KIF6: variants seen among roughly 807,000 people sequenced by gnomAD.
KIF6 encodes kinesin family member 6, also known as kinesin-like protein KIF6.
Under a neutral mutation model 112.7 loss-of-function variants are expected in KIF6, and 106 were observed. The observed-to-expected ratio is 0.94, with a 90% confidence interval of 0.80 to 1.11. The LOEUF (loss-of-function observed/expected upper bound fraction) is 1.11. Among genes scored for constraint, KIF6 ranks in the 50% least tolerant of loss-of-function variants. The pLI is 0.00. For synonymous variants in KIF6, 339 were observed against 339.9 expected, an observed-to-expected ratio of 1.00 and a Z score of 0.03; for missense variants, 929 against 964.0, an observed-to-expected ratio of 0.96 and a Z score of 0.48.
chr6:39,350,131 G>A (rs1254485843), intron 19 of KIF6, among the ~76,000 whole-genome samples: 1 of 152,194 alleles, frequency 6.6e-6, no homozygotes, highest in East Asian at 1.9e-4. Context: ...AGGAAACACA[G>A]CTTTACCCTT....
intron 17 of KIF6, among the ~76,000 whole-genome samples, chr6:39,362,013 G>T (rs1193458469): frequency 6.6e-6 from 1 of 152,168 alleles, no homozygotes; most frequent in Non-Finnish European, 1.5e-5. Context: ...ATCAGGAATG[G>T]CTACATGCCT....
chr6:39,355,481 T>C (rs1344656695), intron 19 of KIF6, among the ~76,000 whole-genome samples: 48 of 123,900 alleles, frequency 3.9e-4, no homozygotes, highest in African/African-American at 1.4e-3. Context: ...TTTTTTTTTT[T>C]GAGGCAGAGT....
intron 13 of KIF6, among the ~76,000 whole-genome samples, chr6:39,494,951 AGTG>A (rs1352388752): frequency 4.6e-5 from 7 of 152,134 alleles, no homozygotes; most frequent in Non-Finnish European, 7.4e-5. Context: ...TCACAGGGGA[AGTG>A]GGGATGGGGA....
chr6:39,589,958 G>A lies in KIF6; in HGVS notation c.847-3554C>T, dbSNP rs535342152. Among the ~76,000 whole-genome samples the A allele has an allele frequency of 1.6e-4, 25 of 152,296 alleles. 1 individual carries two copies. The South Asian group carries it at 3.9e-3, about 24-fold the overall frequency. On this transcript the variant is annotated intron_variant, in intron 7 of 22. Transcript: ENST00000287152. Reference sequence around the variant, plus strand: ...TATAAAATGTGCTCAACAAATTTTTGTTAAGTAAATCAATGAATGCATGAG... The same window carrying A: ...TATAAAATGTGCTCAACAAATTTTTATTAAGTAAATCAATGAATGCATGAG...
intron 3 of KIF6, among the ~76,000 whole-genome samples, chr6:39,652,442 G>A (rs1029404790): frequency 1.3e-5 from 2 of 151,678 alleles, no homozygotes; most frequent in Non-Finnish European, 2.9e-5. Flanking sequence ...CAGGAAAATC[G>A]CTTGAACCTG....
chr6:39,422,948 C>T (rs969224472), intron 14 of KIF6, among the ~76,000 whole-genome samples: 8 of 152,220 alleles, frequency 5.3e-5, no homozygotes, highest in Non-Finnish European at 1.2e-4. Context: ...AGGTGCTGCT[C>T]ACTGCTATGC....
At chr6:39,466,678 T>C (rs1773806073) in intron 13 of KIF6, among the ~76,000 whole-genome samples, 1 of 152,074 alleles carries the variant, frequency 6.6e-6, no homozygotes, top group Non-Finnish European at 1.5e-5. Flanking sequence ...TCTAAGGTTA[T>C]GGTATCTCCC....
intron 6 of KIF6, among the ~76,000 whole-genome samples, chr6:39,607,126 G>A (rs1474830451): frequency 1.3e-5 from 2 of 152,124 alleles, no homozygotes; most frequent in Admixed American, 6.6e-5. Flanking sequence ...CATATGCTAT[G>A]TTTAATTCGA....
chr6:39,527,814 A>ATTCTTTTTTTAACTTGTATTTTTAGTT (rs1777821540), intron 13 of KIF6, among the ~76,000 whole-genome samples: 1 of 152,090 alleles, frequency 6.6e-6, no homozygotes, highest in South Asian at 2.1e-4. Context: ...TGCTCATATT[A>ATTCTTTTTTTAACTTGTATTTTTAGTT]TTCTTTTTTT....
intron 13 of KIF6, among the ~76,000 whole-genome samples, chr6:39,506,352 C>A (rs949515342): frequency 6.6e-6 from 1 of 152,000 alleles, no homozygotes; most frequent in African/African-American, 2.4e-5. Context: ...ACACCGGGGC[C>A]TGTTGGGGGT....
intron 12 of KIF6, among the ~76,000 whole-genome samples, chr6:39,543,778 GT>G (rs1227736105): frequency 6.6e-6 from 1 of 152,208 alleles, no homozygotes; most frequent in Non-Finnish European, 1.5e-5. Flanking sequence ...GGAGGCCTGA[GT>G]TCCACCCAAC....
chr6:39,458,669 C>T (rs2150419219), intron 13 of KIF6, among the ~76,000 whole-genome samples: 1 of 128,220 alleles, frequency 7.8e-6, no homozygotes, highest in South Asian at 2.9e-4. Context: ...GCAACTTCAG[C>T]AAAGTCTCAG....
chr6:39,629,588 A>G (rs914092627), intron 5 of KIF6, among the ~76,000 whole-genome samples: 6 of 152,060 alleles, frequency 3.9e-5, no homozygotes, highest in Admixed American at 3.3e-4. Flanking sequence ...GTATATTTAT[A>G]TCTTTATCAG....
In KIF6 at chr6:39,486,520, TA is replaced by T. The variant is rs542997206; in HGVS notation, c.1645+53482del. ...CAATACACAAAATCATGAGCTATAA[TA>T]AAATGATTGCTGCTTTATACCACCA... On this transcript the variant is annotated intron_variant, in intron 13 of 22. Transcript: ENST00000287152. Among the ~76,000 whole-genome samples, 274 of 152,362 alleles carry T rather than the reference TA, an allele frequency of 1.8e-3. 1 individual carries two copies. Among genetic ancestry groups the T allele is most frequent in the African/African-American group, 6.3e-3 (264 of 41,588 alleles).
chr6:39,621,520 T>G (rs1017579858), intron 5 of KIF6, among the ~76,000 whole-genome samples: 1 of 152,194 alleles, frequency 6.6e-6, no homozygotes, highest in Non-Finnish European at 1.5e-5. Flanking sequence ...CAATATCACC[T>G]CTACAATGGA....
At chr6:39,357,886 G>A (rs1278910882) in intron 18 of KIF6, among the ~76,000 whole-genome samples, 2 of 152,178 alleles carry the variant, frequency 1.3e-5, no homozygotes, top group African/African-American at 2.4e-5. Context: ...AAGAATTATG[G>A]GTAATGTTTA....
In KIF6 at chr6:39,346,081, T is replaced by C. The variant is rs1350657663; in HGVS notation, c.2232-292A>G. Among the ~76,000 whole-genome samples, 38 of 23,888 alleles carry C rather than the reference T, an allele frequency of 1.6e-3. 1 individual carries two copies. Among genetic ancestry groups the C allele is most frequent in the East Asian group, 9.7e-3 (7 of 718 alleles). The allele number at this position is 23,888 out of a possible 152,430, so 15.7% of individuals were successfully genotyped here. ...CTCTCTCTCTCTCTCTCTCTCTCTCTCTCTCCCCCCCCTCTCCCTCCCCCC... is the reference window on the plus strand; with the variant it reads ...CTCTCTCTCTCTCTCTCTCTCTCTCCCTCTCCCCCCCCTCTCCCTCCCCCC... On this transcript the variant is annotated intron_variant, in intron 20 of 22. Coordinates refer to ENST00000287152, the MANE Select transcript of KIF6 (RefSeq NM_145027.6).
chr6:39,441,970 C>T (rs1581865205), intron 13 of KIF6, among the ~76,000 whole-genome samples: 1 of 152,008 alleles, frequency 6.6e-6, no homozygotes, highest in Admixed American at 6.6e-5. Context: ...GGGAGGAGAG[C>T]GAAGGGAAAA....
chr6:39,711,756 T>C (rs938604798), intron 3 of KIF6, among the ~76,000 whole-genome samples: 1 of 152,088 alleles, frequency 6.6e-6, no homozygotes, highest in African/African-American at 2.4e-5. Flanking sequence ...AGGTATAACT[T>C]TGAGATAATT....
Sources: allele counts gnomAD v4.1 joint callset (sites outside exome capture counted in the v4.1 genomes callset), GRCh38; gene constraint gnomAD v4.1.1; transcripts MANE v1.5; gene names NCBI Gene and HGNC (gene_info 2026-07-23, HGNC 2026-07-21).